Variants in CRPPA observed in about 807,000 individuals in gnomAD.
CRPPA encodes D-ribitol-5-phosphate cytidylyltransferase.
Under a neutral mutation model 52.0 loss-of-function variants are expected in CRPPA, and 43 were observed. The ratio of observed to expected loss-of-function variants is 0.83; its 90% CI spans 0.65 to 1.07. The LOEUF is 1.07. Among genes scored for constraint, CRPPA ranks in the 50% least tolerant of loss-of-function variants. The pLI is 0.00. For missense variants in CRPPA, 629 were observed against 551.7 expected, an observed-to-expected ratio of 1.14 and a Z score of -1.40; for synonymous variants, 250 against 203.5, an observed-to-expected ratio of 1.23 and a Z score of -1.94.
rs200881034 is a variant in CRPPA, at chr7:16,219,620, C to G, written c.1120-3423G>C. Among the ~76,000 whole-genome samples, 151 of 98,804 alleles carry G rather than the reference C, an allele frequency of 1.5e-3. 2 individuals carry two copies. In the Admixed American group the frequency reaches 0.015, roughly 10 times the overall value. The allele number at this position is 98,804 out of a possible 152,430, so 64.8% of individuals were successfully genotyped here. Reference sequence around the variant, plus strand: ...AAATGATAAAGGGGATATCACCACCCATCCCACAGAAATACAAACTACCAT... The same window carrying G: ...AAATGATAAAGGGGATATCACCACCGATCCCACAGAAATACAAACTACCAT... On this transcript the variant is annotated intron_variant, in intron 8 of 9. Coordinates refer to ENST00000407010, the MANE Select transcript of CRPPA (RefSeq NM_001101426.4).
chr7:16,110,089 G>T (rs1782230673), intron 9 of CRPPA, among the ~76,000 whole-genome samples: 1 of 151,928 alleles, frequency 6.6e-6, no homozygotes, highest in African/African-American at 2.4e-5. Flanking sequence ...CAGTAAGGTT[G>T]CAAAATACAA....
chr7:16,192,272 A>C (rs980370658), intron 9 of CRPPA, among the ~76,000 whole-genome samples: 1 of 151,978 alleles, frequency 6.6e-6, no homozygotes, highest in South Asian at 2.1e-4. Flanking sequence ...AAGAATATAT[A>C]TATTCTATTG....
At chr7:16,299,484 G>C (rs1410482939) in intron 5 of CRPPA, among the ~76,000 whole-genome samples, 2 of 152,140 alleles carry the variant, frequency 1.3e-5, no homozygotes, top group South Asian at 2.1e-4. Context: ...GAATGAGGTG[G>C]GGCCTGAGAT....
intron 9 of CRPPA, among the ~76,000 whole-genome samples, chr7:16,172,571 T>G (rs1278630927): frequency 6.6e-6 from 1 of 152,196 alleles, no homozygotes; most frequent in African/African-American, 2.4e-5. Flanking sequence ...AATAAATGCA[T>G]GCTGATAATA....
At chr7:16,365,561 G>T (rs1037834847) in intron 3 of CRPPA, among the ~76,000 whole-genome samples, 1 of 151,992 alleles carries the variant, frequency 6.6e-6, no homozygotes, top group Non-Finnish European at 1.5e-5. Context: ...ACATAATAGA[G>T]GCACAAATTA....
intron 3 of CRPPA, among the ~76,000 whole-genome samples, chr7:16,345,741 A>G (rs899583490): frequency 2.1e-5 from 3 of 142,336 alleles, no homozygotes; most frequent in South Asian, 3.0e-4. Context: ...CTCTGCTAAA[A>G]TGTCACTCTC....
chr7:16,326,622 G>T (rs1397204084), intron 3 of CRPPA, among the ~76,000 whole-genome samples: 1 of 152,156 alleles, frequency 6.6e-6, no homozygotes, highest in Non-Finnish European at 1.5e-5. Context: ...TAAAAATTCT[G>T]TGTATATTAT....
intron 9 of CRPPA, among the ~76,000 whole-genome samples, chr7:16,120,402 C>G (rs1171892260): frequency 6.6e-6 from 1 of 152,136 alleles, no homozygotes; most frequent in Admixed American, 6.5e-5. Context: ...ACCAGAATCA[C>G]CCCTTACCCC....
Position 16,421,057 on chromosome 7 carries a change from C to T in CRPPA, c.257+9G>A, listed in dbSNP as rs1788320994. ...AGGGAACCGCGGGGCGCGCCCGGCGCCGCATTACCTCTCCAGGGCCTGTAG... is the reference window on the plus strand; with the variant it reads ...AGGGAACCGCGGGGCGCGCCCGGCGTCGCATTACCTCTCCAGGGCCTGTAG... On this transcript the variant is annotated intron_variant, in intron 1 of 9. Transcript: ENST00000407010. 2.4e-6 allele frequency: 3 copies of T among 1,265,228 alleles called. No individual in the cohort carries two copies. In the South Asian group the frequency reaches 1.0e-4, roughly 42 times the overall value. 78.4% of individuals were successfully genotyped at this position (1,265,228 alleles called of 1,614,324 possible).
chr7:16,254,800 A>AGAAG (rs1554299379), intron 8 of CRPPA, among the ~76,000 whole-genome samples: 33 of 80,208 alleles, frequency 4.1e-4, no homozygotes, highest in Middle Eastern at 6.2e-3. Flanking sequence ...AAGGAAAGAA[A>AGAAG]GAAAGAAAGA....
intron 3 of CRPPA, 56 bp from the exon 4 acceptor site, chr7:16,308,683 C>T: frequency 9.6e-7 from 1 of 1,045,308 alleles, no homozygotes; most frequent in African/African-American, 1.6e-5. Context: ...TTAAGTAAAA[C>T]CAAGCCTTTT....
intron 8 of CRPPA, among the ~76,000 whole-genome samples, chr7:16,240,175 A>G (rs1319621004): frequency 4.0e-5 from 6 of 151,076 alleles, no homozygotes; most frequent in Non-Finnish European, 7.4e-5. Context: ...TGATTTCATC[A>G]TTCCTCATTT....
At chr7:16,188,696 C>T (rs1435341596) in intron 9 of CRPPA, among the ~76,000 whole-genome samples, 5 of 152,234 alleles carry the variant, frequency 3.3e-5, no homozygotes, top group South Asian at 4.1e-4. Context: ...ACAGTAGGCC[C>T]TCAGTAAATA....
At position 16,098,151 on chromosome 7, in the gene CRPPA, G is replaced by A. The variant is rs1359637975; in HGVS notation, c.1252-6352C>T. ...TTAGAATCAAATTTATGTGGATTTG[G>A]TGGAATGCCATCTCAAAGAATAGCA... On this transcript the variant is annotated intron_variant, in intron 9 of 9. Transcript: ENST00000407010. Among the ~76,000 whole-genome samples, 3 of 152,132 alleles carry A rather than the reference G, an allele frequency of 2.0e-5. No individual in the cohort carries two copies. The East Asian group carries it at 5.8e-4, about 29-fold the overall frequency.
chr7:16,167,240 T>G (rs1009732878), intron 9 of CRPPA, among the ~76,000 whole-genome samples: 16 of 152,300 alleles, frequency 1.1e-4, no homozygotes, highest in Non-Finnish European at 2.1e-4. Context: ...CAAGCTACTT[T>G]CATCACCAAC....
At chr7:16,254,246 C>A (rs1783549340) in intron 8 of CRPPA, among the ~76,000 whole-genome samples, 1 of 152,066 alleles carries the variant, frequency 6.6e-6, no homozygotes, top group African/African-American at 2.4e-5. Context: ...GGGTATATAC[C>A]CAAAAGATTA....
chr7:16,218,879 TC>T (rs1391098936), intron 8 of CRPPA, among the ~76,000 whole-genome samples: 1 of 151,098 alleles, frequency 6.6e-6, no homozygotes, highest in African/African-American at 2.4e-5. Context: ...ATTAGACAGA[TC>T]AACGAGACAG....
intron 9 of CRPPA, among the ~76,000 whole-genome samples, chr7:16,154,973 CTTTTTTTTT>C (rs11363510): frequency 7.9e-6 from 1 of 127,012 alleles, no homozygotes; most frequent in Non-Finnish European, 1.7e-5. Context: ...CTAATTTTTT[CTTTTTTTTT>C]TTTTTTTTGG....
intron 8 of CRPPA, among the ~76,000 whole-genome samples, chr7:16,230,491 TA>T (rs1562572323): frequency 6.6e-6 from 1 of 152,184 alleles, no homozygotes; most frequent in Non-Finnish European, 1.5e-5. Flanking sequence ...TAGTAGAAGC[TA>T]AAAATATTAT....
Sources: allele counts gnomAD v4.1 joint callset (sites outside exome capture counted in the v4.1 genomes callset), GRCh38; gene constraint gnomAD v4.1.1; transcripts MANE v1.5; gene names NCBI Gene and HGNC (gene_info 2026-07-23, HGNC 2026-07-21).